The following ARHGEF1 variants were observed in gnomAD, a reference collection of about 807,000 sequenced individuals.
ARHGEF1 encodes Rho guanine nucleotide exchange factor 1.
A neutral mutation model predicts 119.7 loss-of-function variants in ARHGEF1; 40 were observed. The ratio of observed to expected loss-of-function variants is 0.33; its 90% CI spans 0.26 to 0.44. The LOEUF is 0.44. Among genes scored for constraint, ARHGEF1 ranks in the 20% least tolerant of loss-of-function variants. The probability of loss-of-function intolerance (pLI) is 1.00; values close to 1 mark genes in which losing one functional copy is unlikely to be tolerated. For synonymous variants in ARHGEF1, 494 were observed against 521.0 expected (o/e 0.95, Z 0.71); for missense variants, 976 against 1,268.3 (o/e 0.77, Z 3.50).
intron 11 of ARHGEF1, 128 bp from the exon 12 acceptor site, chr19:41,895,221 C>A: frequency 7.9e-7 from 1 of 1,271,794 alleles, no homozygotes; most frequent in South Asian, 1.4e-5. Context: ...GCTCCTGGGT[C>A]TGAGGGAGGA....
intron 13 of ARHGEF1, 60 bp downstream of exon 13, chr19:41,896,542 G>A: frequency 7.4e-7 from 1 of 1,342,642 alleles, no homozygotes; most frequent in Non-Finnish European, 1.0e-6. Flanking sequence ...GTGGGTGGGT[G>A]CAGGGTCACC....
upstream of ARHGEF1, among the ~76,000 whole-genome samples, chr19:41,921,619 C>T (rs964361779): frequency 7.2e-5 from 11 of 151,946 alleles, no homozygotes; most frequent in South Asian, 1.2e-3. This position sits in a 1 kb window ranked among gnomAD's most constrained non-coding sequence, Gnocchi z 4.4. Flanking sequence ...GAGCGAGGGC[C>T]GCACCGGAGA....
rs1313653141 is a variant in ARHGEF1, at chr19:41,894,135, A to AGAGTGTGTGT, written c.645-71_645-70insAGTGTGTGTG. 37 of 486,002 alleles carry AGAGTGTGTGT rather than the reference A, an allele frequency of 7.6e-5. 1 individual carries two copies. Among genetic ancestry groups the AGAGTGTGTGT allele is most frequent in the African/African-American group, 6.8e-4 (29 of 42,612 alleles). 30.1% of individuals were successfully genotyped at this position (486,002 alleles called of 1,614,324 possible). ...GGGAGAGAGAGAGAGTGTGTGTGTGAGTGTGTGTGTGTGTGTGTGTGTGTG... is the reference window on the plus strand; with the variant it reads ...GGGAGAGAGAGAGAGTGTGTGTGTGAGAGTGTGTGTGTGTGTGTGTGTGTGTGTGTGTGTG... On this transcript the variant is annotated intron_variant, in intron 8 of 28. Transcript: ENST00000354532.
chr19:41,883,490 C>T lies in ARHGEF1; in HGVS notation c.-20+201C>T, dbSNP rs2074251985. Among the ~76,000 whole-genome samples, 1 of 152,200 alleles carries T rather than the reference C, an allele frequency of 6.6e-6. No homozygotes were observed. The highest frequency in any genetic ancestry group is 2.1e-4 in the South Asian group (1 of 4,832). On this transcript the variant is annotated intron_variant, in intron 1 of 28. Transcript: ENST00000354532. This position sits in a 1 kb window ranked among gnomAD's most constrained non-coding sequence, Gnocchi z 7.6. ...GGGGAGAACTCACACTTGACGAGTG[C>T]CCCATAGGTGGGGACGAACGGTGCG...
intron 18 of ARHGEF1, among the ~76,000 whole-genome samples, chr19:41,912,656 G>C (rs928686946): frequency 2.0e-5 from 3 of 152,210 alleles, no homozygotes; most frequent in African/African-American, 7.2e-5. Context: ...CAGCACGCAG[G>C]GGGCAGGGGA....
Position 41,904,908 on chromosome 19 carries a change from G to A in ARHGEF1, c.2162-41G>A, listed in dbSNP as rs372024058. The A allele has an allele frequency of 6.4e-7, 1 of 1,561,940 alleles. No individual in the cohort carries two copies. Among genetic ancestry groups the A allele is most frequent in the Non-Finnish European group, 8.8e-7 (1 of 1,133,170 alleles). ...TGCTTAGGGAGGGGCAGGCACTGGG[G>A]GGACCTGGGCTCTGAGCCCCATCTC... On this transcript the variant is annotated intron_variant, in intron 22 of 28. Transcript: ENST00000354532. The surrounding 1 kb of genome is among the most constrained non-coding windows in gnomAD (Gnocchi z 8.4).
At chr19:41,897,236 G>A (rs1389614057) in intron 13 of ARHGEF1, 28 of 1,268,068 alleles carry the variant, frequency 2.2e-5, no homozygotes, top group Non-Finnish European at 2.9e-5. Context: ...CGCTGCTTTG[G>A]GGACCCTTTG....
rs200473054 is a variant in ARHGEF1 at position 41,905,734 on chromosome 19, G to A, written c.2337-26G>A. On this transcript the variant is annotated intron_variant, in intron 24 of 28. Coordinates refer to ENST00000354532, the MANE Select transcript of ARHGEF1 (RefSeq NM_004706.4). The surrounding 1 kb of genome is among the most constrained non-coding windows in gnomAD (Gnocchi z 6.4). The stretch of plus-strand genomic sequence containing the variant: ...CGGCCCCCCAGGGCCAGGGGTGTGG[G>A]GTCACCCAGCACTTCCTCCCCTCAG... 57 of 1,613,182 alleles carry A rather than the reference G, an allele frequency of 3.5e-5. No individual in the cohort carries two copies. Among genetic ancestry groups the A allele is most frequent in the African/African-American group, 6.7e-5 (5 of 74,882 alleles).
At chr19:41,909,310 GC>G, downstream of ARHGEF1, 4 of 1,234,682 alleles carry the variant, frequency 3.2e-6, no homozygotes, top group Non-Finnish European at 3.0e-6. The surrounding 1 kb of genome is among the most constrained non-coding windows in gnomAD (Gnocchi z 5.2). Flanking sequence ...TGGCCCTGGG[GC>G]CCCCCCAAAG....
chr19:41,883,517 G>T lies in ARHGEF1; in HGVS notation c.-20+228G>T, dbSNP rs1455935308. Reference sequence around the variant, plus strand: ...CCATAGGTGGGGACGAACGGTGCGAGGCCGGGGCCAAGGCCTCCCACCTGC... The same window carrying T: ...CCATAGGTGGGGACGAACGGTGCGATGCCGGGGCCAAGGCCTCCCACCTGC... On this transcript the variant is annotated intron_variant, in intron 1 of 28. Transcript: ENST00000354532. This position sits in a 1 kb window ranked among gnomAD's most constrained non-coding sequence, Gnocchi z 7.6. Among the ~76,000 whole-genome samples the T allele has an allele frequency of 6.6e-6, 1 of 152,228 alleles. No homozygotes were observed. The highest frequency in any genetic ancestry group is 1.5e-5 in the Non-Finnish European group (1 of 68,038).
At chr19:41,920,425 TCA>T (rs1346474036), upstream of ARHGEF1, among the ~76,000 whole-genome samples, 1 of 121,042 alleles carries the variant, frequency 8.3e-6, no homozygotes, top group Non-Finnish European at 1.7e-5. Context: ...CATGACACAC[TCA>T]CAGACATGAC....
At chr19:41,896,822 CCTCCCCCATCCTCTCTCA>C in intron 13 of ARHGEF1, 3 of 375,868 alleles carry the variant, frequency 8.0e-6, no homozygotes, top group African/African-American at 6.6e-5. Context: ...TCCTCTCTCA[CCTCCCCCATCCTCTCTCA>C]CCTCCCCCCT....
In ARHGEF1 at chr19:41,906,360, A is replaced by C. The variant is rs1599666678; in HGVS notation, c.2492-97A>C. 2.4e-6 allele frequency: 3 copies of C among 1,270,476 alleles called. No individual in the cohort carries two copies. The highest frequency in any genetic ancestry group is 3.1e-5 in the South Asian group (2 of 63,744). 78.7% of individuals were successfully genotyped at this position (1,270,476 alleles called of 1,614,324 possible). A position where few individuals can be genotyped will look rare whatever the true frequency, so the allele number is the denominator to read the frequency against. ...TCAGCCTTGCCTGGCACCCACCTTC[A>C]CCTCCAGCCCCTACACATCCCCTTT... On this transcript the variant is annotated intron_variant, in intron 26 of 28. Coordinates refer to ENST00000354532, the MANE Select transcript of ARHGEF1 (RefSeq NM_004706.4). This position sits in a 1 kb window ranked among gnomAD's most constrained non-coding sequence, Gnocchi z 4.5.
At chr19:41,920,242 C>T (rs2074833248), upstream of ARHGEF1, among the ~76,000 whole-genome samples, 1 of 130,910 alleles carries the variant, frequency 7.6e-6, no homozygotes, top group Non-Finnish European at 1.6e-5. Flanking sequence ...GTGACGTGCT[C>T]AGACGTGAGG....
At position 41,888,035 on chromosome 19, in the gene ARHGEF1, C is replaced by T; in HGVS notation, c.-19-29C>T. The T allele has an allele frequency of 6.2e-7, 1 of 1,609,304 alleles. No individual in the cohort carries two copies. The highest frequency in any genetic ancestry group is 8.5e-7 in the Non-Finnish European group (1 of 1,178,808). ...ACCCTGGGCCGCCTCCTCCCACCCT[C>T]CTAACCACAGCCCCTCCTCTTCCTC... On this transcript the variant is annotated intron_variant, in intron 1 of 28. Transcript: ENST00000354532. The surrounding 1 kb of genome is among the most constrained non-coding windows in gnomAD (Gnocchi z 5.1).
chr19:41,904,301 A>G lies in ARHGEF1; in HGVS notation c.2079A>G (p.Thr693=), dbSNP rs2074654866. 6.2e-7 allele frequency: 1 copy of G among 1,611,154 alleles called. No individual in the cohort carries two copies. Among genetic ancestry groups the G allele is most frequent in the African/African-American group, 1.3e-5 (1 of 75,050 alleles). The change falls in exon 22 of 29, where the codon ACA becomes ACG. Residue 693 remains threonine, a synonymous_variant. Coordinates refer to ENST00000354532, the MANE Select transcript of ARHGEF1 (RefSeq NM_004706.4). The surrounding 1 kb of genome is among the most constrained non-coding windows in gnomAD (Gnocchi z 8.4). ...ERLLLKSHSR[T]LTPTPDGKTM... is the part of the protein sequence containing the mutation. ...TGCTGCTCAAGTCCCATAGCCGGAC[A>G]CTGACGCCCACGCCCGATGGCAAGA...
Position 41,916,217 on chromosome 19 carries a change from C to T in ARHGEF1, c.1866-6875C>T, listed in dbSNP as rs2074800574. ...CCACACAGCACACATCGCACAGATG[C>T]ACACACCAGCACAGCCACACACACA... is the stretch of plus-strand genomic sequence containing the variant. On this transcript the variant is annotated intron_variant, in intron 18 of 20. Transcript: ENST00000599589. This position sits in a 1 kb window ranked among gnomAD's most constrained non-coding sequence, Gnocchi z 5.4. Among the ~76,000 whole-genome samples, 1 of 151,872 alleles carries T rather than the reference C, an allele frequency of 6.6e-6. No individual in the cohort carries two copies. The highest frequency in any genetic ancestry group is 2.4e-5 in the African/African-American group (1 of 41,322).
At chr19:41,926,079 AG>A (rs2074869103) in intron 1 of ARHGEF1, among the ~76,000 whole-genome samples, 1 of 152,048 alleles carries the variant, frequency 6.6e-6, no homozygotes, top group Admixed American at 6.5e-5. Context: ...TTGCAGCTTT[AG>A]GGGACAGGTG....
chr19:41,901,338 G>A (rs1555848989), intron 14 of ARHGEF1, among the ~76,000 whole-genome samples: 1 of 151,660 alleles, frequency 6.6e-6, no homozygotes, highest in African/African-American at 2.4e-5. Context: ...TTTTAGTAGA[G>A]ATGGGGTTTC....
Sources: allele counts gnomAD v4.1 joint callset (sites outside exome capture counted in the v4.1 genomes callset), GRCh38; gene constraint gnomAD v4.1.1; non-coding constraint Gnocchi (gnomAD v3.1); transcripts MANE v1.5; gene names NCBI Gene and HGNC (gene_info 2026-07-23, HGNC 2026-07-21).